PRKN: variants seen among roughly 807,000 people sequenced by gnomAD.
The protein encoded by PRKN is parkin RBR E3 ubiquitin protein ligase, also known as E3 ubiquitin-protein ligase parkin.
Under a neutral mutation model 59.5 loss-of-function variants are expected in PRKN, and 56 were observed. That is an observed-to-expected ratio of 0.94 (90% CI 0.76 to 1.18). PRKN has a LOEUF of 1.18. Ranked by LOEUF, PRKN falls within the 50% of genes most tolerant of loss-of-function variation. The pLI is 0.00. For missense variants in PRKN, 657 were observed against 596.4 expected, an observed-to-expected ratio of 1.10 and a Z score of -1.06; for synonymous variants, 250 against 222.1, an observed-to-expected ratio of 1.13 and a Z score of -1.12.
rs1231715215 is a variant in PRKN at position 161,554,972 on chromosome 6, G to C, written c.934-5969C>G. Among the ~76,000 whole-genome samples, 1 of 151,858 alleles carries C rather than the reference G, an allele frequency of 6.6e-6. No homozygotes were observed. ...TATATCTTGGTGCTGGTCATTTCTG[G>C]ATCAATTTTCACAAGCATACTGTGT... On this transcript the variant is annotated intron_variant, in intron 8 of 11. Coordinates refer to ENST00000366898, the MANE Select transcript of PRKN (RefSeq NM_004562.3). This position sits in a 1 kb window ranked among gnomAD's most constrained non-coding sequence, Gnocchi z 4.5.
chr6:162,172,434 C>T (rs1783329375), intron 4 of PRKN, among the ~76,000 whole-genome samples: 1 of 152,188 alleles, frequency 6.6e-6, no homozygotes, highest in Admixed American at 6.5e-5. Context: ...TTGCCTGAGC[C>T]TTACTCCTTC....
intron 1 of PRKN, among the ~76,000 whole-genome samples, chr6:162,707,279 A>G (rs908830681): frequency 1.3e-5 from 2 of 152,198 alleles, no homozygotes; most frequent in African/African-American, 4.8e-5. Context: ...AAAGTATTCA[A>G]ATTAAGTTAT....
chr6:161,583,001 CACACACACACACACACACACAT>C lies in PRKN; in HGVS notation c.872-13607_872-13586del, dbSNP rs1185128296. On this transcript the variant is annotated intron_variant, in intron 7 of 11. Transcript: ENST00000366898. ...ACACACACACACACACACACACACACACACACACACACACACACACATACACATTTTGTAAGATCTTGAAAAC... is the reference window on the plus strand; with the variant it reads ...ACACACACACACACACACACACACACACACATTTTGTAAGATCTTGAAAAC... Among the ~76,000 whole-genome samples the C allele has an allele frequency of 9.7e-5, 13 of 133,638 alleles. No homozygotes were observed. The Middle Eastern group carries it at 0.011, about 111-fold the overall frequency. The allele number at this position is 133,638 out of a possible 152,430, so 87.7% of individuals were successfully genotyped here.
intron 10 of PRKN, among the ~76,000 whole-genome samples, chr6:161,380,219 G>C (rs1202974766): frequency 6.6e-6 from 1 of 152,126 alleles, no homozygotes; most frequent in Non-Finnish European, 1.5e-5. Context: ...CATCCCTGTA[G>C]GTCTCAAATT....
chr6:161,483,546 C>T lies in PRKN; in HGVS notation c.1083+65308G>A, dbSNP rs1791514933. ...AGCGTATAAACTCATGGATCCTCCA[C>T]AGAATTCACTAAACTTCAATAAGCT... On this transcript the variant is annotated intron_variant, in intron 9 of 11. Coordinates refer to ENST00000366898, the MANE Select transcript of PRKN (RefSeq NM_004562.3). The surrounding 1 kb of genome is among the most constrained non-coding windows in gnomAD (Gnocchi z 5.0). Among the ~76,000 whole-genome samples, 1 of 152,172 alleles carries T rather than the reference C, an allele frequency of 6.6e-6. No individual in the cohort carries two copies. Among genetic ancestry groups the T allele is most frequent in the African/African-American group, 2.4e-5 (1 of 41,442 alleles).
rs369404858 is a variant in PRKN at position 161,497,577 on chromosome 6, T to TCTCTCTCACACA, written c.1083+51276_1083+51277insTGTGTGAGAGAG. On this transcript the variant is annotated intron_variant, in intron 9 of 11. Coordinates refer to ENST00000366898, the MANE Select transcript of PRKN (RefSeq NM_004562.3). The surrounding 1 kb of genome is among the most constrained non-coding windows in gnomAD (Gnocchi z 4.6). ...ATGTCTCTCTCTCTCTCTCTCTCTC[T>TCTCTCTCACACA]CACACACACACACACACACACCATA... Among the ~76,000 whole-genome samples, 3 of 147,478 alleles carry TCTCTCTCACACA rather than the reference T, an allele frequency of 2.0e-5. No homozygotes were observed. The highest frequency in any genetic ancestry group is 7.5e-5 in the African/African-American group (3 of 39,800).
chr6:161,709,403 C>G (rs1786647071), intron 7 of PRKN, among the ~76,000 whole-genome samples: 1 of 152,156 alleles, frequency 6.6e-6, no homozygotes, highest in Non-Finnish European at 1.5e-5. Context: ...CATGAGAGCT[C>G]TTTTTTCAGA....
At chr6:162,717,387 G>A (rs939814982) in intron 1 of PRKN, among the ~76,000 whole-genome samples, 4 of 151,696 alleles carry the variant, frequency 2.6e-5, no homozygotes, top group African/African-American at 9.7e-5. Flanking sequence ...GACTAGTCTG[G>A]GCAACATAGC....
At chr6:162,319,870 T>C (rs373085481) in intron 2 of PRKN, among the ~76,000 whole-genome samples, 23 of 151,928 alleles carry the variant, frequency 1.5e-4, no homozygotes, top group Admixed American at 9.8e-4. Context: ...CACTCAACAT[T>C]AGGTAGTCAG....
intron 7 of PRKN, among the ~76,000 whole-genome samples, chr6:161,767,687 A>G (rs1789487463): frequency 6.8e-6 from 1 of 148,048 alleles, no homozygotes; most frequent in South Asian, 2.1e-4. Flanking sequence ...CTCTCAACTG[A>G]GGCTGTTTAG....
At chr6:161,900,555 T>TTA (rs200486246) in intron 6 of PRKN, among the ~76,000 whole-genome samples, 65,461 of 119,018 alleles carry the variant, frequency 0.55, 16,937 homozygotes, top group Middle Eastern at 0.65. Flanking sequence ...TATACATATT[T>TTA]TATATGTTAT....
At chr6:162,099,630 C>T (rs1307185956) in intron 4 of PRKN, among the ~76,000 whole-genome samples, 1 of 152,130 alleles carries the variant, frequency 6.6e-6, no homozygotes, top group African/African-American at 2.4e-5. Flanking sequence ...GCATTGCAAG[C>T]ACAGTACAAA....
intron 1 of PRKN, among the ~76,000 whole-genome samples, chr6:162,556,345 GTGTGTGTGTGTGTGTGTGTGT>G (rs1779577836): frequency 3.9e-5 from 2 of 50,762 alleles, no homozygotes; most frequent in Non-Finnish European, 8.5e-5. Flanking sequence ...CTCAGCTGGT[GTGTGTGTGTGTGTGTGTGTGT>G]GTGTGTGTGT....
chr6:161,738,183 T>C (rs1048212233), intron 7 of PRKN, among the ~76,000 whole-genome samples: 2 of 152,190 alleles, frequency 1.3e-5, no homozygotes, highest in African/African-American at 4.8e-5. Context: ...TTCATTTCTC[T>C]GAAAAGTAAC....
intron 4 of PRKN, among the ~76,000 whole-genome samples, chr6:162,177,866 G>A (rs980266897): frequency 3.3e-5 from 5 of 152,164 alleles, no homozygotes; most frequent in Admixed American, 6.5e-5. Flanking sequence ...AACTCACTCC[G>A]CAGCACAGGC....
chr6:162,174,953 GT>G (rs1783463248), intron 4 of PRKN, among the ~76,000 whole-genome samples: 1 of 152,206 alleles, frequency 6.6e-6, no homozygotes, highest in Non-Finnish European at 1.5e-5. Context: ...AATTCTGAGA[GT>G]TTTTAGATAA....
chr6:161,959,210 A>G (rs1780291823), intron 6 of PRKN, among the ~76,000 whole-genome samples: 1 of 152,154 alleles, frequency 6.6e-6, no homozygotes, highest in Admixed American at 6.5e-5. Context: ...TCCCGTTTCA[A>G]ATAAGTATTT....
rs565422183 is a variant in PRKN at position 162,359,369 on chromosome 6, A to G, written c.171+83941T>C. Reference sequence around the variant, plus strand: ...AGCCCTAACATGGCCAATTCATTTTACAGAGGTGGAAAATGGGGCTGACAG... The same window carrying G: ...AGCCCTAACATGGCCAATTCATTTTGCAGAGGTGGAAAATGGGGCTGACAG... On this transcript the variant is annotated intron_variant, in intron 2 of 11. Transcript: ENST00000366898. Among the ~76,000 whole-genome samples, 7 of 152,092 alleles carry G rather than the reference A, an allele frequency of 4.6e-5. No individual in the cohort carries two copies. The South Asian group carries it at 1.5e-3, about 32-fold the overall frequency.
rs1562355992 is a variant in PRKN, at chr6:161,874,760, T to TGTACAATATATA, written c.735-88853_735-88852insTATATATTGTAC. 1.3e-3 allele frequency among the ~76,000 whole-genome samples: 146 copies of TGTACAATATATA among 112,540 alleles called. 5 individuals carry two copies. Among genetic ancestry groups the TGTACAATATATA allele is most frequent in the South Asian group, 6.1e-3 (22 of 3,580 alleles). 73.8% of individuals were successfully genotyped at this position (112,540 alleles called of 152,430 possible). On this transcript the variant is annotated intron_variant, in intron 6 of 11. Transcript: ENST00000366898. ...CTATATATAAAATATATAATATATA[T>TGTACAATATATA]AAAATATATAATATATAAAATGTAT... is the stretch of plus-strand genomic sequence containing the variant.
Sources: allele counts gnomAD v4.1 joint callset (sites outside exome capture counted in the v4.1 genomes callset), GRCh38; gene constraint gnomAD v4.1.1; non-coding constraint Gnocchi (gnomAD v3.1); transcripts MANE v1.5; gene names NCBI Gene and HGNC (gene_info 2026-07-23, HGNC 2026-07-21).